N4BP2L2: variants seen among roughly 807,000 people sequenced by gnomAD.
The protein encoded by N4BP2L2 is NEDD4-binding protein 2-like 2.
In N4BP2L2, 50 loss-of-function variants were observed where a neutral mutation model predicts 56.2. The observed-to-expected ratio is 0.89, with a 90% CI of 0.71 to 1.13. The LOEUF is 1.13. Among genes scored for constraint, N4BP2L2 ranks in the 50% most tolerant of loss-of-function variants. The pLI, the probability that N4BP2L2 is intolerant of heterozygous loss-of-function variation, is 0.00. For synonymous variants in N4BP2L2, 203 were observed against 223.6 expected (o/e 0.91, Z 0.82); for missense variants, 689 against 693.8 (o/e 0.99, Z 0.08).
rs368419149 is a variant in N4BP2L2, at chr13:32,500,865, C to CTT, written c.365+16990_365+16991dup. On this transcript the variant is annotated intron_variant, in intron 6 of 9. Transcript: ENST00000357505. ...GACAACTCTGTCACTTTAGTCTTTT[C>CTT]TTTTTTTTTTTTTTTTTGAGATGGA... 2.7e-3 allele frequency among the ~76,000 whole-genome samples: 338 copies of CTT among 127,388 alleles called. 6 individuals are homozygous for CTT. The East Asian group carries it at 0.031, about 12-fold the overall frequency. 83.6% of individuals were successfully genotyped at this position (127,388 alleles called of 152,430 possible). A position where few individuals can be genotyped will look rare whatever the true frequency, so the allele number is the denominator to read the frequency against.
chr13:32,497,640 G>A (rs929089119), intron 6 of N4BP2L2, among the ~76,000 whole-genome samples: 2 of 152,178 alleles, frequency 1.3e-5, no homozygotes, highest in African/African-American at 4.8e-5. Flanking sequence ...AAAGAGCAGA[G>A]TGCTGGAGGA....
At chr13:32,447,636 A>G (rs2077241375) in intron 6 of N4BP2L2, among the ~76,000 whole-genome samples, 1 of 152,200 alleles carries the variant, frequency 6.6e-6, no homozygotes, top group African/African-American at 2.4e-5. Context: ...CAGTTCCCTC[A>G]AAGTCCAGCT....
intron 6 of N4BP2L2, chr13:32,478,529 T>C (rs1265234152): frequency 6.4e-6 from 1 of 155,822 alleles, no homozygotes; most frequent in African/African-American, 2.4e-5. Context: ...AAAATGCTTT[T>C]GAAATTCTTA....
chr13:32,531,475 T>C (rs908403731), intron 2 of N4BP2L2, among the ~76,000 whole-genome samples: 1 of 152,196 alleles, frequency 6.6e-6, no homozygotes, highest in Non-Finnish European at 1.5e-5. Flanking sequence ...CAAGTGATTT[T>C]CAAGAAAAAT....
intron 2 of N4BP2L2, among the ~76,000 whole-genome samples, chr13:32,530,889 TAAAAAAA>T (rs3075024): frequency 7.7e-6 from 1 of 130,378 alleles, no homozygotes; most frequent in Non-Finnish European, 1.6e-5. Flanking sequence ...CGGAGATTAC[TAAAAAAA>T]AAAAAAAAAA....
chr13:32,537,917 T>C (rs779012051), intron 1 of N4BP2L2, among the ~76,000 whole-genome samples: 6 of 151,212 alleles, frequency 4.0e-5, no homozygotes, highest in Non-Finnish European at 8.8e-5. Context: ...AAAAATACAA[T>C]AAATTAGCCG....
At chr13:32,441,771 C>T (rs928687563) in intron 7 of N4BP2L2, among the ~76,000 whole-genome samples, 7 of 145,374 alleles carry the variant, frequency 4.8e-5, no homozygotes, top group South Asian at 2.2e-4. Context: ...TGGCCGGGCG[C>T]GGTGGCTCAC....
At chr13:32,530,014 C>T (rs1307142053) in intron 2 of N4BP2L2, among the ~76,000 whole-genome samples, 2 of 152,194 alleles carry the variant, frequency 1.3e-5, no homozygotes, top group African/African-American at 4.8e-5. Context: ...GCGTGAGCCA[C>T]CGTGCCCGGC....
At chr13:32,515,133 C>CT (rs2048924727) in exon 6 of N4BP2L2, 1 of 138,952 alleles carries the variant, frequency 7.2e-6, no homozygotes, top group African/African-American at 2.9e-5. Flanking sequence ...GAGAAAGACT[C>CT]TGTCTCAAAA....
At chr13:32,446,854 A>C (rs2077127635) in intron 6 of N4BP2L2, among the ~76,000 whole-genome samples, 1 of 152,024 alleles carries the variant, frequency 6.6e-6, no homozygotes, top group Non-Finnish European at 1.5e-5. Context: ...TAATCTTCAA[A>C]ACTGTATCAA....
intron 6 of N4BP2L2, among the ~76,000 whole-genome samples, chr13:32,475,321 G>A (rs1008065046): frequency 3.3e-5 from 5 of 152,208 alleles, no homozygotes; most frequent in Non-Finnish European, 5.9e-5. Context: ...CACGAGGAGT[G>A]GGTTTAGCAG....
In N4BP2L2 at chr13:32,443,119, TC is replaced by T. The variant is rs770003279; in HGVS notation, c.1372del (p.Asp458IlefsTer7). ...TGATTCTAAGGCATTCTTTGGTATATCCGGTTGAGGTAAGCAGCTTCTGAAG... is the reference window on the plus strand; with the variant it reads ...TGATTCTAAGGCATTCTTTGGTATATCGGTTGAGGTAAGCAGCTTCTGAAG... On this transcript the variant is annotated frameshift_variant, in exon 7 of 10. Transcript: ENST00000357505. LOFTEE classifies it high-confidence loss of function. The T allele has an allele frequency of 6.2e-7, 1 of 1,613,156 alleles. No individual in the cohort carries two copies. Among genetic ancestry groups the T allele is most frequent in the African/African-American group, 1.3e-5 (1 of 74,870 alleles).
At chr13:32,446,186 T>C (rs574504598) in intron 6 of N4BP2L2, among the ~76,000 whole-genome samples, 1 of 152,350 alleles carries the variant, frequency 6.6e-6, no homozygotes, top group South Asian at 2.1e-4. Flanking sequence ...AAAATCTTGT[T>C]CTTTGTCACT....
chr13:32,471,743 G>A (rs1414133429), intron 6 of N4BP2L2, among the ~76,000 whole-genome samples: 3 of 152,240 alleles, frequency 2.0e-5, no homozygotes, highest in Non-Finnish European at 4.4e-5. Flanking sequence ...GAGAGCTGCT[G>A]ATGAGAGAGC....
chr13:32,513,148 T>C (rs1451250176), exon 6 of N4BP2L2: 1 of 152,216 alleles, frequency 6.6e-6, no homozygotes, highest in African/African-American at 2.4e-5. Flanking sequence ...GAGTAAATTG[T>C]AGCCATTCTT....
chr13:32,459,159 T>C (rs550727766), intron 6 of N4BP2L2, among the ~76,000 whole-genome samples: 2 of 152,272 alleles, frequency 1.3e-5, no homozygotes, highest in African/African-American at 4.8e-5. Flanking sequence ...GGGAATTTTA[T>C]AGCAATAAAT....
chr13:32,445,957 A>C (rs1380958515), intron 6 of N4BP2L2, among the ~76,000 whole-genome samples: 1 of 152,206 alleles, frequency 6.6e-6, no homozygotes, highest in Non-Finnish European at 1.5e-5. Flanking sequence ...GACTTAGTAA[A>C]ATGTAGTAGA....
chr13:32,450,810 T>C (rs560793549), intron 6 of N4BP2L2, among the ~76,000 whole-genome samples: 2 of 151,626 alleles, frequency 1.3e-5, no homozygotes, highest in South Asian at 4.2e-4. Context: ...CTTTCCTTCC[T>C]TTCCTTCCCT....
In N4BP2L2 at chr13:32,463,183, T is replaced by C. The variant is rs143696501; in HGVS notation, c.366-19057A>G. ...GTAACAACTGAAATAAAAAATCCAG[T>C]AGAAGGGGTTCTACAGCAGGCTTGA... On this transcript the variant is annotated intron_variant, in intron 6 of 9. Coordinates refer to the N4BP2L2 transcript ENST00000357505. 9.9e-3 allele frequency among the ~76,000 whole-genome samples: 1,509 copies of C among 152,120 alleles called. 28 individuals carry two copies. The highest frequency in any genetic ancestry group is 9.2e-3 in the Non-Finnish European group (626 of 67,984).
Sources: gnomAD v4.1 joint callset for allele counts (sites outside exome capture counted in the v4.1 genomes callset) on GRCh38, gnomAD v4.1.1 for gene constraint, MANE v1.5 for transcripts, NCBI Gene and HGNC (gene_info 2026-07-23, HGNC 2026-07-21) for gene names.